The following GRAMD4 variants were observed in gnomAD, a reference collection of about 807,000 sequenced individuals.
GRAMD4 encodes the protein GRAM domain containing 4.
A neutral mutation model predicts 83.9 loss-of-function variants in GRAMD4; 25 were observed. The ratio of observed to expected loss-of-function variants is 0.30; its 90% CI spans 0.22 to 0.42. GRAMD4 has a LOEUF of 0.42. Ranked by LOEUF, GRAMD4 falls within the 10% of genes least tolerant of loss-of-function variation. The pLI is 1.00. For synonymous variants in GRAMD4, 336 were observed against 320.9 expected (o/e 1.05, Z -0.50); for missense variants, 593 against 788.7 (o/e 0.75, Z 2.97).
chr22:46,663,185 C>T lies in GRAMD4; in HGVS notation c.599+13C>T, dbSNP rs755812350. On this transcript the variant is annotated intron_variant, in intron 6 of 18. Transcript: ENST00000406902. ...TGAGCGCCCGCAGGTAGGGGTTCGCCGAGCTGGGGCTGCCTGTGCGTTAGG... is the reference window on the plus strand; with the variant it reads ...TGAGCGCCCGCAGGTAGGGGTTCGCTGAGCTGGGGCTGCCTGTGCGTTAGG... 43 of 1,606,674 alleles carry T rather than the reference C, an allele frequency of 2.7e-5. No individual in the cohort carries two copies. The highest frequency in any genetic ancestry group is 3.4e-4 in the Middle Eastern group (2 of 5,838).
intron 2 of GRAMD4, among the ~76,000 whole-genome samples, chr22:46,628,239 C>T (rs1220034110): frequency 2.0e-5 from 3 of 152,216 alleles, no homozygotes; most frequent in Non-Finnish European, 1.5e-5. Context: ...CTCCGCCATC[C>T]GTCTGTCCTG....
chr22:46,643,117 A>G (rs2082001729), intron 3 of GRAMD4, among the ~76,000 whole-genome samples: 1 of 143,966 alleles, frequency 6.9e-6, no homozygotes, highest in Non-Finnish European at 1.5e-5. Context: ...CCATCCATCC[A>G]TCCATGCATC....
At chr22:46,579,906 G>A (rs924919130) in intron 1 of GRAMD4, among the ~76,000 whole-genome samples, 3 of 152,130 alleles carry the variant, frequency 2.0e-5, no homozygotes, top group Non-Finnish European at 4.4e-5. Context: ...CCATGGTGGG[G>A]ACTTGGGTAT....
chr22:46,632,701 C>G (rs993990539), intron 2 of GRAMD4, among the ~76,000 whole-genome samples: 1 of 152,206 alleles, frequency 6.6e-6, no homozygotes, highest in African/African-American at 2.4e-5. Context: ...CAGAGCCAGC[C>G]CTCACCACCC....
intron 1 of GRAMD4, among the ~76,000 whole-genome samples, chr22:46,583,961 T>C (rs1021214421): frequency 2.6e-5 from 4 of 152,232 alleles, no homozygotes; most frequent in African/African-American, 9.6e-5. Flanking sequence ...CAGGGGGGTC[T>C]GTCTCTTCTC....
At chr22:46,595,639 C>T (rs553767171) in intron 1 of GRAMD4, among the ~76,000 whole-genome samples, 10 of 152,312 alleles carry the variant, frequency 6.6e-5, no homozygotes, top group South Asian at 2.1e-4. Flanking sequence ...ACCCTCTGAG[C>T]GTCACCCCTC....
intron 1 of GRAMD4, among the ~76,000 whole-genome samples, chr22:46,600,343 G>C (rs1443367013): frequency 6.6e-6 from 1 of 152,190 alleles, no homozygotes; most frequent in Admixed American, 6.5e-5. Flanking sequence ...GCCAGCTTGG[G>C]GCCAGGGGCC....
At chr22:46,669,722 C>T (rs1186609772) in intron 13 of GRAMD4, among the ~76,000 whole-genome samples, 1 of 151,892 alleles carries the variant, frequency 6.6e-6, no homozygotes, top group Non-Finnish European at 1.5e-5. Flanking sequence ...ACTACAGGCA[C>T]CCGCCACCAC....
chr22:46,594,827 G>T lies in GRAMD4; in HGVS notation c.-50+17537G>T, dbSNP rs866188423. 3.3e-5 allele frequency among the ~76,000 whole-genome samples: 5 copies of T among 151,978 alleles called. 1 individual carries two copies. In the Middle Eastern group the frequency reaches 0.01, roughly 310 times the overall value. On this transcript the variant is annotated intron_variant, in intron 1 of 1. Transcript: ENST00000431155. ...GCAGCACGGGGAGCTGGGGTTGGGG[G>T]TGAGGAGGGGCGCCCCACATGTTCT...
chr22:46,584,535 G>A (rs912021315), intron 1 of GRAMD4, among the ~76,000 whole-genome samples: 2 of 152,100 alleles, frequency 1.3e-5, no homozygotes, highest in East Asian at 3.9e-4. Flanking sequence ...GACTCCCACC[G>A]CTTGCCACAC....
intron 3 of GRAMD4, among the ~76,000 whole-genome samples, chr22:46,654,342 C>T (rs1202562844): frequency 6.6e-6 from 1 of 152,210 alleles, no homozygotes; most frequent in East Asian, 1.9e-4. Context: ...AGTGGGTTCA[C>T]ATGCTCCATG....
intron 1 of GRAMD4, among the ~76,000 whole-genome samples, chr22:46,599,729 C>T (rs1241764530): frequency 2.0e-5 from 3 of 152,182 alleles, no homozygotes; most frequent in Non-Finnish European, 4.4e-5. Context: ...CATCTTGGTT[C>T]TGTCTGGAAG....
chr22:46,580,279 C>T (rs2081084724), intron 1 of GRAMD4, among the ~76,000 whole-genome samples: 1 of 152,234 alleles, frequency 6.6e-6, no homozygotes, highest in Non-Finnish European at 1.5e-5. Context: ...CCTCCGAGGC[C>T]AAGTGGACCA....
chr22:46,661,534 C>A, intron 5 of GRAMD4, 92 bp downstream of exon 5: 1 of 877,536 alleles, frequency 1.1e-6, no homozygotes, highest in Non-Finnish European at 1.9e-6. Context: ...AACAATGGAG[C>A]AGATACCCCC....
At chr22:46,592,022 C>A (rs887329575) in intron 1 of GRAMD4, among the ~76,000 whole-genome samples, 1 of 152,042 alleles carries the variant, frequency 6.6e-6, no homozygotes, top group African/African-American at 2.4e-5. Flanking sequence ...TCCCTCTCGC[C>A]CCCAAGTCCC....
chr22:46,643,168 C>T (rs1601620074), intron 3 of GRAMD4, among the ~76,000 whole-genome samples: 16 of 150,954 alleles, frequency 1.1e-4, no homozygotes, highest in East Asian at 2.0e-4. Flanking sequence ...TCCATCCATC[C>T]ATCCATCCAT....
At chr22:46,658,438 G>A (rs2082277795) in intron 4 of GRAMD4, 131 bp downstream of exon 4, 1 of 910,872 alleles carries the variant, frequency 1.1e-6, no homozygotes, top group Non-Finnish European at 1.6e-6. Flanking sequence ...AGGCCTGAGT[G>A]TGAGGGTGGG....
downstream of GRAMD4, among the ~76,000 whole-genome samples, chr22:46,680,617 C>CCCACCCAT (rs2082660221): frequency 7.4e-4 from 4 of 5,414 alleles, no homozygotes; most frequent in African/African-American, 2.1e-3. Flanking sequence ...CATCCATCCA[C>CCCACCCAT]CCACCCATTC....
chr22:46,661,481 G>T (rs774806015), intron 5 of GRAMD4, 39 bp downstream of exon 5: 9 of 1,322,436 alleles, frequency 6.8e-6, no homozygotes, highest in Admixed American at 1.7e-5. Flanking sequence ...AGGCGGGCGG[G>T]TGGGTGGCTG....
Sources: gnomAD v4.1 joint callset for allele counts (sites outside exome capture counted in the v4.1 genomes callset) on GRCh38, gnomAD v4.1.1 for gene constraint, MANE v1.5 for transcripts, NCBI Gene and HGNC (gene_info 2026-07-23, HGNC 2026-07-21) for gene names.